LRBA: variants seen among roughly 807,000 people sequenced by gnomAD.
LRBA encodes the protein lipopolysaccharide-responsive and beige-like anchor protein.
LRBA carries 176 observed loss-of-function variants against 330.0 expected under a neutral mutation model. The ratio of observed to expected loss-of-function variants is 0.53; its 90% confidence interval spans 0.47 to 0.60. The LOEUF (loss-of-function observed/expected upper bound fraction) is 0.60. LRBA is among the 20% of genes least tolerant of loss of function. The pLI, the probability that LRBA is intolerant of heterozygous loss-of-function variation, is 0.00. For missense variants in LRBA, 3,259 were observed against 3,444.8 expected (o/e 0.95, Z 1.35); for synonymous variants, 1,230 against 1,193.0 (o/e 1.03, Z -0.64).
chr4:150,958,014 T>C (rs1195160939), intron 2 of LRBA, among the ~76,000 whole-genome samples: 3 of 149,132 alleles, frequency 2.0e-5, no homozygotes, highest in Non-Finnish European at 4.4e-5. Context: ...AGGTGCACAG[T>C]GCAAGCTGTC....
chr4:150,912,158 T>C (rs1261384374), intron 9 of LRBA, among the ~76,000 whole-genome samples: 1 of 152,192 alleles, frequency 6.6e-6, no homozygotes, highest in Non-Finnish European at 1.5e-5. Context: ...CACTGATTTT[T>C]TTCTCACTGC....
rs1561457464 is a variant in LRBA at position 150,639,787 on chromosome 4, G to GTA, written c.5922-40657_5922-40656insTA. Among the ~76,000 whole-genome samples, 18 of 16,222 alleles carry GTA rather than the reference G, an allele frequency of 1.1e-3. 1 individual carries two copies. The highest frequency in any genetic ancestry group is 0.01 in the East Asian group (6 of 588). The allele number at this position is 16,222 out of a possible 152,430, so 10.6% of individuals were successfully genotyped here. On this transcript the variant is annotated intron_variant, in intron 37 of 56. Coordinates refer to ENST00000651943, the MANE Select transcript of LRBA (RefSeq NM_001364905.1). ...TATATATATATATATATATATGTGT[G>GTA]TGTGTATATATATATATATGTGTGT...
At chr4:150,839,906 G>A (rs1748801236) in intron 28 of LRBA, among the ~76,000 whole-genome samples, 1 of 149,498 alleles carries the variant, frequency 6.7e-6, no homozygotes, top group Non-Finnish European at 1.5e-5. Context: ...AAGGTGTTTT[G>A]TCCACATTGA....
chr4:150,735,906 C>A (rs557792161), intron 35 of LRBA, among the ~76,000 whole-genome samples: 1 of 152,260 alleles, frequency 6.6e-6, no homozygotes, highest in South Asian at 2.1e-4. Flanking sequence ...AAGAAATAGA[C>A]CAGGCCTCAA....
chr4:150,523,097 T>A (rs1410751404), intron 40 of LRBA, among the ~76,000 whole-genome samples: 1 of 152,226 alleles, frequency 6.6e-6, no homozygotes, highest in Non-Finnish European at 1.5e-5. Context: ...TTGGATGGCA[T>A]CTACATGATA....
intron 44 of LRBA, among the ~76,000 whole-genome samples, chr4:150,464,286 C>T (rs923520886): frequency 1.3e-5 from 2 of 152,000 alleles, no homozygotes; most frequent in Non-Finnish European, 2.9e-5. Flanking sequence ...TTTTGTGAAG[C>T]AAATTTTATA....
At chr4:150,719,384 T>A (rs913440200) in intron 36 of LRBA, among the ~76,000 whole-genome samples, 6 of 151,992 alleles carry the variant, frequency 3.9e-5, no homozygotes, top group African/African-American at 1.4e-4. Context: ...ATCTCCATAA[T>A]TAATTAGAAA....
In LRBA at chr4:150,832,104, C is replaced by T. The variant is rs144424768; in HGVS notation, c.4570-128G>A. The T allele has an allele frequency of 1.4e-3, 639 of 449,654 alleles. 4 individuals carry two copies. Among genetic ancestry groups the T allele is most frequent in the Admixed American group, 1.8e-3 (44 of 24,044 alleles). The allele number at this position is 449,654 out of a possible 1,614,324, so 27.9% of individuals were successfully genotyped here. ...ATATACACAGAAAATACATTACCTA[C>T]GTAAATAATAAATTTATTAATAAAC... On this transcript the variant is annotated intron_variant, in intron 28 of 56. Coordinates refer to ENST00000651943, the MANE Select transcript of LRBA (RefSeq NM_001364905.1).
intron 51 of LRBA, among the ~76,000 whole-genome samples, chr4:150,312,718 T>C (rs1731219765): frequency 6.6e-6 from 1 of 152,158 alleles, no homozygotes; most frequent in Admixed American, 6.6e-5. Context: ...AATGATAGAC[T>C]GTTAAAATTA....
chr4:150,576,456 T>G (rs1214261878), intron 40 of LRBA, among the ~76,000 whole-genome samples: 1 of 151,948 alleles, frequency 6.6e-6, no homozygotes, highest in East Asian at 1.9e-4. Context: ...CATTGCACAT[T>G]CTAGCGCAAT....
chr4:150,479,141 G>A (rs566102989), intron 42 of LRBA, among the ~76,000 whole-genome samples: 10 of 152,052 alleles, frequency 6.6e-5, no homozygotes, highest in South Asian at 2.1e-4. Context: ...TTAGCCAGGC[G>A]TGGTATCATG....
chr4:150,689,056 A>T (rs960098307), intron 36 of LRBA, among the ~76,000 whole-genome samples: 1 of 152,196 alleles, frequency 6.6e-6, no homozygotes, highest in Non-Finnish European at 1.5e-5. Context: ...CTTGGAACCA[A>T]CCCAAATGTC....
intron 34 of LRBA, among the ~76,000 whole-genome samples, chr4:150,774,535 G>T (rs549762744): frequency 6.6e-6 from 1 of 152,194 alleles, no homozygotes; most frequent in Non-Finnish European, 1.5e-5. Context: ...AATACTGACT[G>T]ACTTGTAGAA....
chr4:150,688,902 A>T (rs964229310), intron 36 of LRBA, among the ~76,000 whole-genome samples: 8 of 152,184 alleles, frequency 5.3e-5, no homozygotes, highest in Non-Finnish European at 1.0e-4. Context: ...ACAGTGTGGC[A>T]ATTTCTCAAG....
chr4:151,011,324 C>T (rs541355799), intron 2 of LRBA, among the ~76,000 whole-genome samples: 3 of 152,268 alleles, frequency 2.0e-5, no homozygotes, highest in African/African-American at 7.2e-5. Flanking sequence ...TTAGGCCAGG[C>T]GTGGTGGCTT....
At chr4:150,345,543 C>A (rs1006581899) in intron 48 of LRBA, among the ~76,000 whole-genome samples, 2 of 152,106 alleles carry the variant, frequency 1.3e-5, no homozygotes, top group Non-Finnish European at 2.9e-5. Flanking sequence ...TTGCTGAGTA[C>A]TTATGAGGGG....
chr4:150,912,270 T>C (rs1466290646), intron 9 of LRBA, among the ~76,000 whole-genome samples: 2 of 152,200 alleles, frequency 1.3e-5, no homozygotes, highest in Admixed American at 1.3e-4. Context: ...TTCATCTGTA[T>C]TTACAGCCAC....
chr4:150,926,922 T>G (rs975149639), intron 4 of LRBA, among the ~76,000 whole-genome samples: 2 of 151,332 alleles, frequency 1.3e-5, no homozygotes, highest in African/African-American at 4.9e-5. Context: ...AATAGAAAAG[T>G]TAGCCAGGCG....
intron 33 of LRBA, among the ~76,000 whole-genome samples, chr4:150,800,152 T>C (rs1354350561): frequency 3.3e-5 from 5 of 152,246 alleles, no homozygotes; most frequent in East Asian, 1.9e-4. Flanking sequence ...AGAAGGTTCA[T>C]AGCTACTTTC....
Sources: gnomAD v4.1 joint callset for allele counts (sites outside exome capture counted in the v4.1 genomes callset) on GRCh38, gnomAD v4.1.1 for gene constraint, MANE v1.5 for transcripts, NCBI Gene and HGNC (gene_info 2026-07-23, HGNC 2026-07-21) for gene names.